The following PRKCB variants were observed in gnomAD, a reference collection of about 807,000 sequenced individuals.
PRKCB encodes protein kinase C beta type.
PRKCB carries 13 observed loss-of-function variants against 81.5 expected under a neutral mutation model. The ratio of observed to expected loss-of-function variants is 0.16; its 90% CI spans 0.10 to 0.25. The LOEUF is 0.25. Among genes scored for constraint, PRKCB ranks in the 10% least tolerant of loss-of-function variants. The pLI is 1.00. For missense variants in PRKCB, 509 were observed against 875.7 expected, an observed-to-expected ratio of 0.58 and a Z score of 5.29; for synonymous variants, 335 against 321.4, an observed-to-expected ratio of 1.04 and a Z score of -0.45.
intron 2 of PRKCB, among the ~76,000 whole-genome samples, chr16:23,885,843 T>C (rs996714147): frequency 6.6e-6 from 1 of 152,234 alleles, no homozygotes; most frequent in African/African-American, 2.4e-5. Flanking sequence ...TTAAAAATCC[T>C]GTGAGCCATC....
intron 1 of PRKCB, among the ~76,000 whole-genome samples, chr16:23,836,877 C>T (rs1481248792): frequency 6.6e-6 from 1 of 151,790 alleles, no homozygotes; most frequent in Non-Finnish European, 1.5e-5. Flanking sequence ...TCCCATTGCC[C>T]CTCCCCGAGG....
intron 5 of PRKCB, among the ~76,000 whole-genome samples, chr16:24,072,477 T>A (rs1966123322): frequency 6.6e-6 from 1 of 152,166 alleles, no homozygotes; most frequent in East Asian, 1.9e-4. Flanking sequence ...CTCCAACTCC[T>A]GGCCTCAAGT....
intron 9 of PRKCB, among the ~76,000 whole-genome samples, chr16:24,147,126 A>G (rs896442922): frequency 6.6e-6 from 1 of 151,494 alleles, no homozygotes; most frequent in Non-Finnish European, 1.5e-5. Context: ...GGCTAACACG[A>G]TGAAACCCCG....
rs1555481692 is a variant in PRKCB at position 23,882,021 on chromosome 16, T to TTCCTTC, written c.205+44615_205+44616insTCCTTC. The stretch of plus-strand genomic sequence containing the variant: ...TTCTTTCTTTCTTTCTTTCTTTCTT[T>TTCCTTC]CTTCCTTCCTTCCTTCCTTCCTTCC... On this transcript the variant is annotated intron_variant, in intron 2 of 16. Coordinates refer to ENST00000643927, the MANE Select transcript of PRKCB (RefSeq NM_002738.7). Among the ~76,000 whole-genome samples the TTCCTTC allele has an allele frequency of 1.9e-3, 107 of 55,624 alleles. 1 individual carries two copies. Among genetic ancestry groups the TTCCTTC allele is most frequent in the African/African-American group, 4.1e-3 (69 of 16,902 alleles). 36.5% of individuals were successfully genotyped at this position (55,624 alleles called of 152,430 possible). A position where few individuals can be genotyped will look rare whatever the true frequency, so the allele number is the denominator to read the frequency against.
intron 2 of PRKCB, among the ~76,000 whole-genome samples, chr16:23,881,970 CTTT>C (rs1202442762): frequency 6.1e-5 from 1 of 16,310 alleles, no homozygotes; most frequent in African/African-American, 1.3e-4. Flanking sequence ...CTTTTCCTTT[CTTT>C]CTTTCTTTCT....
chr16:23,945,584 G>A (rs895659556), intron 2 of PRKCB, among the ~76,000 whole-genome samples: 7 of 152,120 alleles, frequency 4.6e-5, no homozygotes, highest in African/African-American at 1.7e-4. Flanking sequence ...GAGGTGCTGA[G>A]TGACCTCTCA....
At chr16:23,943,587 TATAA>T (rs1364259258) in intron 2 of PRKCB, among the ~76,000 whole-genome samples, 2 of 152,186 alleles carry the variant, frequency 1.3e-5, no homozygotes, top group Non-Finnish European at 2.9e-5. Context: ...TACACATACA[TATAA>T]ATATAAATTC....
intron 3 of PRKCB, among the ~76,000 whole-genome samples, chr16:23,988,803 A>G (rs964858288): frequency 1.3e-5 from 2 of 152,130 alleles, no homozygotes; most frequent in East Asian, 3.8e-4. Flanking sequence ...TTTGTCTACT[A>G]TGATTTTGCT....
In PRKCB at chr16:24,166,049, G is replaced by C. The variant is rs543065303; in HGVS notation, c.1240-6221G>C. On this transcript the variant is annotated intron_variant, in intron 10 of 16. Transcript: ENST00000643927. Reference sequence around the variant, plus strand: ...TTAGAGGTGTGTGTCACCATACCTGGCTAATTTTTGTATTTTTAGTAGAGA... The same window carrying C: ...TTAGAGGTGTGTGTCACCATACCTGCCTAATTTTTGTATTTTTAGTAGAGA... 2.6e-5 allele frequency among the ~76,000 whole-genome samples: 4 copies of C among 151,836 alleles called. No homozygotes were observed. The East Asian group carries it at 7.7e-4, about 29-fold the overall frequency.
At chr16:24,105,083 G>A (rs1021226633) in intron 7 of PRKCB, among the ~76,000 whole-genome samples, 1 of 150,202 alleles carries the variant, frequency 6.7e-6, no homozygotes, top group Non-Finnish European at 1.5e-5. Flanking sequence ...TTGAGACAGA[G>A]TCTCACTCTA....
intron 2 of PRKCB, among the ~76,000 whole-genome samples, chr16:23,872,014 G>A (rs1018939002): frequency 3.3e-5 from 5 of 152,132 alleles, no homozygotes; most frequent in Non-Finnish European, 7.4e-5. Flanking sequence ...ATGGTGGCTG[G>A]CACTCAGGGG....
intron 2 of PRKCB, among the ~76,000 whole-genome samples, chr16:23,857,666 G>A (rs902289944): frequency 6.6e-6 from 1 of 152,128 alleles, no homozygotes; most frequent in African/African-American, 2.4e-5. Context: ...AGAAAAAAAT[G>A]AAATCCGGGC....
chr16:24,147,507 G>A (rs1455907837), intron 9 of PRKCB, among the ~76,000 whole-genome samples: 1 of 152,086 alleles, frequency 6.6e-6, no homozygotes, highest in African/African-American at 2.4e-5. Flanking sequence ...TGCACACCAA[G>A]CTCATCTCGC....
chr16:23,845,750 A>G (rs1272879801), intron 2 of PRKCB, among the ~76,000 whole-genome samples: 1 of 152,210 alleles, frequency 6.6e-6, no homozygotes, highest in Non-Finnish European at 1.5e-5. Context: ...TTACCTTGAG[A>G]TGGCTTCTTT....
At position 24,073,712 on chromosome 16, in the gene PRKCB, C is replaced by T. The variant is rs369090302; in HGVS notation, c.530-19079C>T. Among the ~76,000 whole-genome samples, 37 of 152,264 alleles carry T rather than the reference C, an allele frequency of 2.4e-4. No individual in the cohort carries two copies. In the East Asian group the frequency reaches 5.0e-3, roughly 21 times the overall value. On this transcript the variant is annotated intron_variant, in intron 5 of 16. Coordinates refer to ENST00000643927, the MANE Select transcript of PRKCB (RefSeq NM_002738.7). ...GCCATGTTTTTAACACCTCGATAAA[C>T]GATGTGCTGACTTTACCTAAAATGT...
chr16:23,896,842 C>T lies in PRKCB; in HGVS notation c.205+59436C>T, dbSNP rs1380466339. Among the ~76,000 whole-genome samples the T allele has an allele frequency of 1.3e-5, 2 of 152,216 alleles. 1 individual carries two copies. The highest frequency in any genetic ancestry group is 4.1e-4 in the South Asian group (2 of 4,820). On this transcript the variant is annotated intron_variant, in intron 2 of 16. Transcript: ENST00000643927. Reference sequence around the variant, plus strand: ...AACCAAATGAAGGATTGGAAAATGCCTCTGAAGAGTCAGCTGGAAGGCTCT... The same window carrying T: ...AACCAAATGAAGGATTGGAAAATGCTTCTGAAGAGTCAGCTGGAAGGCTCT...
chr16:24,141,059 T>G (rs1966894242), intron 9 of PRKCB, among the ~76,000 whole-genome samples: 1 of 152,256 alleles, frequency 6.6e-6, no homozygotes, highest in East Asian at 1.9e-4. Context: ...CATTCTTTGC[T>G]ATATGTTAAG....
chr16:23,907,405 A>G (rs1025308557), intron 2 of PRKCB, among the ~76,000 whole-genome samples: 1 of 152,186 alleles, frequency 6.6e-6, no homozygotes, highest in Admixed American at 6.5e-5. Flanking sequence ...CCTCTGGGGA[A>G]GCTAGGACTA....
intron 16 of PRKCB, 137 bp downstream of exon 16, chr16:24,191,367 A>G (rs769215591): frequency 6.4e-6 from 6 of 931,776 alleles, no homozygotes; most frequent in Admixed American, 2.5e-5. Context: ...ATTCACACAT[A>G]TGCACAAAAT....
Sources: allele counts gnomAD v4.1 joint callset (sites outside exome capture counted in the v4.1 genomes callset), GRCh38; gene constraint gnomAD v4.1.1; transcripts MANE v1.5; gene names NCBI Gene and HGNC (gene_info 2026-07-23, HGNC 2026-07-21).